The following P4HA1 variants were observed in gnomAD, a reference collection of about 807,000 sequenced individuals.
P4HA1 encodes the protein prolyl 4-hydroxylase subunit alpha-1.
A neutral mutation model predicts 72.8 loss-of-function variants in P4HA1; 24 were observed. That is an observed-to-expected ratio of 0.33 (90% CI 0.24 to 0.46). The LOEUF (loss-of-function observed/expected upper bound fraction) is 0.46, where lower values mean the gene tolerates loss of function less well. Ranked by LOEUF, P4HA1 falls within the 20% of genes least tolerant of loss-of-function variation. The pLI, the probability that P4HA1 is intolerant of heterozygous loss-of-function variation, is 1.00. For missense variants in P4HA1, 446 were observed against 640.6 expected (o/e 0.70, Z 3.28); for synonymous variants, 201 against 218.8 (o/e 0.92, Z 0.72).
chr10:73,037,636 G>A (rs1770427653), intron 9 of P4HA1, among the ~76,000 whole-genome samples: 1 of 128,630 alleles, frequency 7.8e-6, no homozygotes, highest in Non-Finnish European at 1.6e-5. Context: ...AGTTACAGAG[G>A]ACAAAATTTC....
chr10:73,069,806 G>GTTTT (rs201651550), intron 4 of P4HA1, among the ~76,000 whole-genome samples: 5,416 of 146,844 alleles, frequency 0.037, 364 homozygotes, highest in African/African-American at 0.13. Context: ...ATAATCAACT[G>GTTTT]TTTTGTTTTT....
intron 13 of P4HA1, 116 bp downstream of exon 13, chr10:73,010,853 G>T: frequency 1.4e-6 from 1 of 718,558 alleles, no homozygotes; most frequent in East Asian, 2.7e-5. Flanking sequence ...GCGAGAACAG[G>T]TCTCAAAAAA....
chr10:73,073,793 A>T lies in P4HA1; in HGVS notation c.111T>A (p.Asp37Glu). Residue 37 changes from aspartate (D) to glutamate (E), a missense_variant, in exon 3 of 15, where the codon GAT becomes GAA. Asp to Glu is a conservative substitution (Grantham distance 45). Coordinates refer to ENST00000394890, the MANE Select transcript of P4HA1 (RefSeq NM_001017962.3). The stretch of plus-strand genomic sequence containing the variant: ...TATAATCTTTCAGAGAAGTCACCAG[A>T]TCTTTCTCAGTATGGATCAAATCAG... The part of the protein sequence containing the change: ...QMTDLIHTEK[D>E]LVTSLKDYIK... 1.9e-6 allele frequency: 3 copies of T among 1,589,494 alleles called. No individual in the cohort carries two copies. Among genetic ancestry groups the T allele is most frequent in the Non-Finnish European group, 1.7e-6 (2 of 1,158,226 alleles).
intron 9 of P4HA1, among the ~76,000 whole-genome samples, chr10:73,041,857 C>T (rs1357089055): frequency 8.0e-5 from 12 of 149,682 alleles, no homozygotes; most frequent in African/African-American, 2.7e-4. Flanking sequence ...TTTTTTGAGA[C>T]AGGATCTTAC....
intron 5 of P4HA1, among the ~76,000 whole-genome samples, chr10:73,056,972 A>G (rs1346708935): frequency 1.3e-5 from 2 of 150,818 alleles, no homozygotes; most frequent in Non-Finnish European, 3.0e-5. Flanking sequence ...TGGCAGGAGA[A>G]TGGTGTGAAC....
intron 9 of P4HA1, among the ~76,000 whole-genome samples, chr10:73,038,678 G>C (rs1463618350): frequency 9.8e-6 from 1 of 102,080 alleles, no homozygotes; most frequent in African/African-American, 6.2e-5. Context: ...CCAGGCTGGA[G>C]TGCAGTGGCG....
intron 5 of P4HA1, among the ~76,000 whole-genome samples, chr10:73,057,007 C>T (rs904840150): frequency 2.0e-5 from 3 of 149,524 alleles, no homozygotes; most frequent in African/African-American, 7.4e-5. Flanking sequence ...TTGCAGTGAG[C>T]CAAGATCACG....
intron 4 of P4HA1, 80 bp downstream of exon 4, chr10:73,071,949 G>A: frequency 2.5e-6 from 3 of 1,183,548 alleles, no homozygotes; most frequent in Non-Finnish European, 3.6e-6. Context: ...TGGTTTCCTG[G>A]GAACTGAATT....
chr10:73,085,413 T>C (rs1841906108), intron 1 of P4HA1, among the ~76,000 whole-genome samples: 2 of 152,058 alleles, frequency 1.3e-5, no homozygotes, highest in South Asian at 4.2e-4. Flanking sequence ...GACAGAGTTT[T>C]GCTCTTGTTG....
chr10:73,093,895 TATATATATATATAC>T (rs201545491), intron 1 of P4HA1, among the ~76,000 whole-genome samples: 2,013 of 80,066 alleles, frequency 0.025, 35 homozygotes, highest in South Asian at 0.052. Context: ...TATATATATA[TATATATATATATAC>T]ACACACACAC....
chr10:73,034,990 C>T (rs940911991), intron 9 of P4HA1, among the ~76,000 whole-genome samples: 2 of 152,024 alleles, frequency 1.3e-5, no homozygotes, highest in African/African-American at 4.8e-5. Context: ...CATGTTTATC[C>T]ATTCATTTGT....
chr10:73,074,355 C>T (rs1841641953), intron 2 of P4HA1, among the ~76,000 whole-genome samples: 1 of 152,076 alleles, frequency 6.6e-6, no homozygotes, highest in Admixed American at 6.5e-5. Context: ...GCAGCTCATG[C>T]CTGTCGTAAT....
chr10:73,093,907 T>TATACAC (rs1256283876), intron 1 of P4HA1, among the ~76,000 whole-genome samples: 27 of 55,586 alleles, frequency 4.9e-4, no homozygotes, highest in East Asian at 3.7e-3. Context: ...TATATATATA[T>TATACAC]ACACACACAC....
chr10:73,074,709 T>G (rs986707733), intron 2 of P4HA1, 99 bp downstream of exon 2: 1 of 700,620 alleles, frequency 1.4e-6, no homozygotes. Flanking sequence ...ACCTATACTC[T>G]AGGAATACAC....
At chr10:73,008,396 G>T (rs574582496) in intron 14 of P4HA1, 104 bp from the exon 15 acceptor site, 3 of 723,884 alleles carry the variant, frequency 4.1e-6, no homozygotes, top group Admixed American at 4.8e-5. Flanking sequence ...TGGGATAAAA[G>T]TTCAACACCA....
At chr10:73,067,587 T>A (rs1356635663) in intron 5 of P4HA1, among the ~76,000 whole-genome samples, 1 of 152,156 alleles carries the variant, frequency 6.6e-6, no homozygotes, top group Non-Finnish European at 1.5e-5. Flanking sequence ...CCATACAAAC[T>A]ACATGTTAGT....
chr10:73,061,937 T>G (rs2044973267), intron 5 of P4HA1, among the ~76,000 whole-genome samples: 1 of 152,206 alleles, frequency 6.6e-6, no homozygotes, highest in African/African-American at 2.4e-5. Context: ...CAGGATGGCT[T>G]GAGTCCAAAA....
intron 10 of P4HA1, among the ~76,000 whole-genome samples, chr10:73,025,229 C>T (rs1174510118): frequency 6.6e-6 from 1 of 152,104 alleles, no homozygotes; most frequent in Non-Finnish European, 1.5e-5. Flanking sequence ...ACGCAAAAAT[C>T]CAACCGAATC....
intron 7 of P4HA1, among the ~76,000 whole-genome samples, chr10:73,048,504 AT>A (rs745439196): frequency 1.8e-4 from 28 of 152,114 alleles, no homozygotes; most frequent in Non-Finnish European, 3.4e-4. Flanking sequence ...ACCTCAGGTG[AT>A]CCACCCACCT....
Sources: allele counts gnomAD v4.1 joint callset (sites outside exome capture counted in the v4.1 genomes callset), GRCh38; gene constraint gnomAD v4.1.1; transcripts MANE v1.5; gene names NCBI Gene and HGNC (gene_info 2026-07-23, HGNC 2026-07-21).